Variants in CAB39L observed in about 807,000 individuals in gnomAD.
CAB39L encodes calcium binding protein 39 like, also known as calcium-binding protein 39-like.
CAB39L carries 23 observed loss-of-function variants against 39.1 expected under a neutral mutation model. The observed-to-expected ratio is 0.59, with a 90% CI of 0.42 to 0.83. The LOEUF (loss-of-function observed/expected upper bound fraction) is 0.83. Among genes scored for constraint, CAB39L ranks in the 40% least tolerant of loss-of-function variants. The pLI is 0.00. For synonymous variants in CAB39L, 126 were observed against 137.2 expected (o/e 0.92, Z 0.57); for missense variants, 366 against 391.9 (o/e 0.93, Z 0.56).
intron 3 of CAB39L, among the ~76,000 whole-genome samples, chr13:49,385,116 G>C (rs1206781651): frequency 6.6e-6 from 1 of 152,186 alleles, no homozygotes; most frequent in East Asian, 1.9e-4. Context: ...CTGAAAATCT[G>C]TTGTTTTGTG....
chr13:49,378,629 G>C, intron 4 of CAB39L, among the ~76,000 whole-genome samples: 1 of 69,592 alleles, frequency 1.4e-5, no homozygotes, highest in South Asian at 5.2e-4. Flanking sequence ...CCGTCCGGGA[G>C]GTGAGGGGCG....
chr13:49,317,394 G>A (rs762429332), intron 10 of CAB39L, among the ~76,000 whole-genome samples: 4 of 152,016 alleles, frequency 2.6e-5, no homozygotes, highest in African/African-American at 4.8e-5. Flanking sequence ...GCCAGGTGCC[G>A]TAGTGCACAC....
rs576180347 is a variant in CAB39L at position 49,379,419 on chromosome 13, CAT to C, written c.112-2290_112-2289del. Reference sequence around the variant, plus strand: ...ACCCCCAACCCTGTGCTCTCTGAAACATGTGCTGTGTCCACTCAGGGTTAAAT... The same window carrying C: ...ACCCCCAACCCTGTGCTCTCTGAAACGTGCTGTGTCCACTCAGGGTTAAAT... On this transcript the variant is annotated intron_variant, in intron 4 of 10. Coordinates refer to ENST00000409308, the MANE Select transcript of CAB39L (RefSeq NM_001079670.3). Among the ~76,000 whole-genome samples, 178 of 28,494 alleles carry C rather than the reference CAT, an allele frequency of 6.2e-3. 19 individuals carry two copies. Among genetic ancestry groups the C allele is most frequent in the Middle Eastern group, 0.023 (2 of 86 alleles). The allele number at this position is 28,494 out of a possible 152,430, so 18.7% of individuals were successfully genotyped here.
intron 10 of CAB39L, among the ~76,000 whole-genome samples, chr13:49,329,847 A>C (rs910723906): frequency 6.6e-5 from 10 of 152,076 alleles, no homozygotes; most frequent in Non-Finnish European, 1.3e-4. Flanking sequence ...GTAACCTTGA[A>C]GCAAACTGCA....
chr13:49,395,850 G>T (rs1956606379), intron 3 of CAB39L, among the ~76,000 whole-genome samples: 1 of 152,098 alleles, frequency 6.6e-6, no homozygotes, highest in Admixed American at 6.6e-5. Context: ...AGGGGGGTAG[G>T]AGAGGACCTA....
At position 49,357,504 on chromosome 13, in the gene CAB39L, G is replaced by A. The variant is rs543045961; in HGVS notation, c.395+2210C>T. On this transcript the variant is annotated intron_variant, in intron 6 of 10. Coordinates refer to ENST00000409308, the MANE Select transcript of CAB39L (RefSeq NM_001079670.3). ...ATTGCAATAGAGAATTAAAACCAGAGGTGTAGTCCCCAAATTGTCACTAAT... is the reference window on the plus strand; with the variant it reads ...ATTGCAATAGAGAATTAAAACCAGAAGTGTAGTCCCCAAATTGTCACTAAT... 3.8e-4 allele frequency among the ~76,000 whole-genome samples: 58 copies of A among 152,258 alleles called. 1 individual carries two copies. The South Asian group carries it at 5.2e-3, about 14-fold the overall frequency.
intron 3 of CAB39L, among the ~76,000 whole-genome samples, chr13:49,415,067 C>T (rs1957058906): frequency 6.6e-6 from 1 of 151,302 alleles, no homozygotes; most frequent in African/African-American, 2.4e-5. Context: ...TGTGGTGGTG[C>T]GTGCCTGTGG....
chr13:49,425,598 T>G (rs956101433), intron 3 of CAB39L, among the ~76,000 whole-genome samples: 6 of 152,124 alleles, frequency 3.9e-5, no homozygotes, highest in Non-Finnish European at 8.8e-5. Flanking sequence ...GCTAAAAATA[T>G]TTACTATTTG....
At chr13:49,353,576 A>G (rs911868118) in intron 6 of CAB39L, among the ~76,000 whole-genome samples, 8 of 151,954 alleles carry the variant, frequency 5.3e-5, no homozygotes, top group Non-Finnish European at 1.2e-4. Flanking sequence ...CTCATCTCTC[A>G]AGGCTTAGTT....
intron 3 of CAB39L, among the ~76,000 whole-genome samples, chr13:49,404,516 G>A (rs1956834236): frequency 6.6e-6 from 1 of 150,470 alleles, no homozygotes; most frequent in African/African-American, 2.4e-5. Context: ...ACTCTTCAAT[G>A]CCCAGACAAT....
intron 3 of CAB39L, among the ~76,000 whole-genome samples, chr13:49,407,944 C>T (rs1956916405): frequency 6.7e-6 from 1 of 149,572 alleles, no homozygotes; most frequent in Non-Finnish European, 1.5e-5. Context: ...TATAAAAAAA[C>T]TAGAAATCCA....
intron 7 of CAB39L, among the ~76,000 whole-genome samples, chr13:49,346,774 G>A (rs566182811): frequency 1.3e-5 from 2 of 152,112 alleles, no homozygotes; most frequent in Non-Finnish European, 2.9e-5. Context: ...AAACTCAAAG[G>A]TTAACTAAAT....
rs1463924366 is a variant in CAB39L, at chr13:49,310,674, T to C, written c.*140A>G. On this transcript the variant is annotated 3_prime_UTR_variant, in exon 11 of 11. Transcript: ENST00000409308. ...TAATTTTTTTCCATTCAAATGTTTATACTCCATCTACCCAGAACAATTACA... is the reference window on the plus strand; with the variant it reads ...TAATTTTTTTCCATTCAAATGTTTACACTCCATCTACCCAGAACAATTACA... The C allele has an allele frequency of 1.4e-6, 1 of 716,544 alleles. No individual in the cohort carries two copies. The highest frequency in any genetic ancestry group is 2.3e-6 in the Non-Finnish European group (1 of 440,746). The allele number at this position is 716,544 out of a possible 1,614,324, so 44.4% of individuals were successfully genotyped here.
At chr13:49,371,315 G>A (rs772274239) in intron 5 of CAB39L, among the ~76,000 whole-genome samples, 1 of 151,728 alleles carries the variant, frequency 6.6e-6, no homozygotes, top group Admixed American at 6.6e-5. Flanking sequence ...AGCCTCCCAA[G>A]TAGCTAGGAT....
intron 5 of CAB39L, among the ~76,000 whole-genome samples, chr13:49,365,266 C>A (rs573169317): frequency 6.6e-6 from 1 of 152,268 alleles, no homozygotes; most frequent in Admixed American, 6.5e-5. Context: ...TGAAATTAGA[C>A]CCCTATCTCT....
At chr13:49,402,126 T>A (rs142373920) in intron 3 of CAB39L, among the ~76,000 whole-genome samples, 1 of 152,290 alleles carries the variant, frequency 6.6e-6, no homozygotes, top group African/African-American at 2.4e-5. Flanking sequence ...AAACCAAATG[T>A]AATTATTGCT....
intron 3 of CAB39L, among the ~76,000 whole-genome samples, chr13:49,412,633 G>T (rs113460460): frequency 1.1e-4 from 17 of 152,084 alleles, no homozygotes; most frequent in African/African-American, 3.9e-4. Context: ...ACTCAATTAC[G>T]TTAAGCCAGC....
At chr13:49,383,838 A>C (rs7989461) in intron 3 of CAB39L, among the ~76,000 whole-genome samples, 82,913 of 152,032 alleles carry the variant, frequency 0.55, 24,019 homozygotes, top group African/African-American at 0.72. Flanking sequence ...AAGCAAAAAC[A>C]AAATGAAAAC....
chr13:49,432,118 C>T (rs551127570), intron 3 of CAB39L, among the ~76,000 whole-genome samples: 39 of 151,978 alleles, frequency 2.6e-4, no homozygotes, highest in African/African-American at 6.0e-4. Flanking sequence ...TTTATAATCC[C>T]TATTTTATTT....
Sources: allele counts gnomAD v4.1 joint callset (sites outside exome capture counted in the v4.1 genomes callset), GRCh38; gene constraint gnomAD v4.1.1; transcripts MANE v1.5; gene names NCBI Gene and HGNC (gene_info 2026-07-23, HGNC 2026-07-21).